Variants in SLC7A6 observed in about 807,000 individuals in gnomAD.
SLC7A6 encodes the protein Y+L amino acid transporter 2.
In SLC7A6, 29 loss-of-function variants were observed where a neutral mutation model predicts 46.6. That is an observed-to-expected ratio of 0.62 (90% CI 0.46 to 0.85). The LOEUF (loss-of-function observed/expected upper bound fraction) is 0.85. Ranked by LOEUF, SLC7A6 falls within the 40% of genes least tolerant of loss-of-function variation. SLC7A6 has a pLI of 0.00. For missense variants in SLC7A6, 527 were observed against 647.6 expected (o/e 0.81, Z 2.02); for synonymous variants, 276 against 257.3 (o/e 1.07, Z -0.70).
chr16:68,297,389 A>G lies in SLC7A6; in HGVS notation c.*61A>G. ...GCCAACCAGCAAAATCCTGATAACA[A>G]GACTCTGTGGGCCCAACTCTCCTGA... On this transcript the variant is annotated 3_prime_UTR_variant, in exon 11 of 11. Transcript: ENST00000219343. The G allele has an allele frequency of 7.1e-7, 1 of 1,409,836 alleles. No individual in the cohort carries two copies. The highest frequency in any genetic ancestry group is 1.8e-5 in the Admixed American group (1 of 56,808). The allele number at this position is 1,409,836 out of a possible 1,614,324, so 87.3% of individuals were successfully genotyped here.
chr16:68,301,158 T>C lies in SLC7A6; in HGVS notation c.*3830T>C, dbSNP rs535983037. The C allele has an allele frequency of 6.8e-5, 100 of 1,480,824 alleles. 1 individual carries two copies. Among genetic ancestry groups the C allele is most frequent in the Non-Finnish European group, 8.5e-5 (94 of 1,111,412 alleles). 91.7% of individuals were successfully genotyped at this position (1,480,824 alleles called of 1,614,324 possible). ...ATGGTGCCGCCCGATATGCTTGATA[T>C]GCTTTTCCTTCCACATGTTAAGCTA... On this transcript the variant is annotated 3_prime_UTR_variant, in exon 11 of 11. Coordinates refer to ENST00000219343, the MANE Select transcript of SLC7A6 (RefSeq NM_003983.6).
At position 68,298,636 on chromosome 16, in the gene SLC7A6, A is replaced by C. The variant is rs944999236; in HGVS notation, c.*1308A>C. ...GGGGACTTCTGTTTTCTCCCTGTGG[A>C]GATCAGTGAAGACTGGGAGGAAAGC... On this transcript the variant is annotated 3_prime_UTR_variant, in exon 11 of 11. Transcript: ENST00000219343. 6.6e-6 allele frequency: 1 copy of C among 152,236 alleles called. No individual in the cohort carries two copies. Among genetic ancestry groups the C allele is most frequent in the African/African-American group, 2.4e-5 (1 of 41,438 alleles). 9.4% of individuals were successfully genotyped at this position (152,236 alleles called of 1,614,324 possible).
Position 68,275,173 on chromosome 16 carries a change from C to A in SLC7A6, c.447C>A (p.Asn149Lys). 6.2e-7 allele frequency: 1 copy of A among 1,614,046 alleles called. No individual in the cohort carries two copies. The highest frequency in any genetic ancestry group is 8.5e-7 in the Non-Finnish European group (1 of 1,180,024). The change falls in exon 3 of 11, where the codon AAC becomes AAA. Residue 149 changes from asparagine (N) to lysine (K), a missense_variant. Coordinates refer to ENST00000219343, the MANE Select transcript of SLC7A6 (RefSeq NM_003983.6). ...GQAIIAITFA[N>K]YIIQPSFPSC... ...CCATCATCGCCATCACCTTTGCCAA[C>A]TACATCATCCAGCCGTCCTTCCCCA...
chr16:68,290,474 C>T lies in SLC7A6; in HGVS notation c.728C>T (p.Ala243Val). ...MGNLSLALYS[A>V]LFSYSGWDTL... ...AACCTCTCTCTTGCCCTCTACTCTG[C>T]CCTCTTCTCTTACTCAGGTTGGGAC... is the stretch of plus-strand genomic sequence containing the variant. The change falls in exon 5 of 11, where the codon GCC (alanine) becomes GTC (valine). Residue 243 changes from alanine to valine, a missense_variant. Ala to Val is a moderately conservative substitution (Grantham distance 64). Coordinates refer to ENST00000219343, the MANE Select transcript of SLC7A6 (RefSeq NM_003983.6). The T allele has an allele frequency of 6.2e-7, 1 of 1,614,184 alleles. No individual in the cohort carries two copies. The highest frequency in any genetic ancestry group is 1.1e-5 in the South Asian group (1 of 91,084).
At chr16:68,280,171 AG>A (rs1474088900) in intron 3 of SLC7A6, among the ~76,000 whole-genome samples, 1 of 152,228 alleles carries the variant, frequency 6.6e-6, no homozygotes, top group Non-Finnish European at 1.5e-5. Flanking sequence ...TAGGTTATTT[AG>A]GGGAAAGAAA....
Position 68,267,584 on chromosome 16 carries a change from G to A in SLC7A6, c.-37+863G>A, listed in dbSNP as rs56846227. 4.0e-4 allele frequency among the ~76,000 whole-genome samples: 61 copies of A among 152,306 alleles called. 1 individual carries two copies. The East Asian group carries it at 0.011, about 28-fold the overall frequency. On this transcript the variant is annotated intron_variant, in intron 2 of 10. Coordinates refer to ENST00000219343, the MANE Select transcript of SLC7A6 (RefSeq NM_003983.6). ...CATAGTTAAGATTTTGATTCAACCA[G>A]AGGGGGGAATAAAAAGATTTTGATG... is the stretch of plus-strand genomic sequence containing the variant.
At position 68,264,985 on chromosome 16, in the gene SLC7A6, G is replaced by C. The variant is rs1216069873; in HGVS notation, c.-166+409G>C. 6.6e-6 allele frequency among the ~76,000 whole-genome samples: 1 copy of C among 152,214 alleles called. No individual in the cohort carries two copies. The highest frequency in any genetic ancestry group is 2.4e-5 in the African/African-American group (1 of 41,466). ...CGCCGCGAGCGTGAGACTGTGCGAC[G>C]GTGACCCTGAGTGGGGCTGTGACTG... On this transcript the variant is annotated intron_variant, in intron 1 of 10. Coordinates refer to ENST00000219343, the MANE Select transcript of SLC7A6 (RefSeq NM_003983.6). This position sits in a 1 kb window ranked among gnomAD's most constrained non-coding sequence, Gnocchi z 5.8.
chr16:68,281,849 G>A lies in SLC7A6; in HGVS notation c.524-5897G>A, dbSNP rs139204834. ...TTATACACATCAATGGAAAGTATTTGCTTTGAAGATTTCAACATGGAAGTA... is the reference window on the plus strand; with the variant it reads ...TTATACACATCAATGGAAAGTATTTACTTTGAAGATTTCAACATGGAAGTA... On this transcript the variant is annotated intron_variant, in intron 3 of 10. Transcript: ENST00000219343. 8.8e-3 allele frequency among the ~76,000 whole-genome samples: 1,333 copies of A among 152,332 alleles called. 20 individuals carry two copies. Among genetic ancestry groups the A allele is most frequent in the African/African-American group, 0.03 (1,259 of 41,572 alleles).
rs1203102779 is a variant in SLC7A6, at chr16:68,297,924, C to T, written c.*596C>T. 6.6e-6 allele frequency: 1 copy of T among 152,636 alleles called. No individual in the cohort carries two copies. Among genetic ancestry groups the T allele is most frequent in the African/African-American group, 2.4e-5 (1 of 41,442 alleles). The allele number at this position is 152,636 out of a possible 1,614,324, so 9.5% of individuals were successfully genotyped here. On this transcript the variant is annotated 3_prime_UTR_variant, in exon 11 of 11. Transcript: ENST00000219343. ...CTGATTGTATTTAAAAATCAAAGTA[C>T]CCAAAACTGAGTCCCTTTGGGCTCA...
intron 5 of SLC7A6, 116 bp from the exon 6 acceptor site, chr16:68,291,093 A>G (rs1434349717): frequency 1.5e-6 from 2 of 1,366,352 alleles, no homozygotes; most frequent in Non-Finnish European, 2.1e-6. Context: ...GCCTCCCTCA[A>G]AGACTTGGAG....
chr16:68,287,953 C>A (rs2042972550), intron 4 of SLC7A6, 82 bp downstream of exon 4: 1 of 1,551,938 alleles, frequency 6.4e-7, no homozygotes, highest in South Asian at 1.2e-5. Flanking sequence ...AGCTTCACTG[C>A]TCGGCTGTTT....
chr16:68,290,259 T>G, intron 4 of SLC7A6, 137 bp from the exon 5 acceptor site: 26 of 852,398 alleles, frequency 3.1e-5, no homozygotes, highest in East Asian at 8.1e-5. Flanking sequence ...TTCCTCCCCA[T>G]TCCTCCTTTT....
At chr16:68,278,525 T>G (rs543929794) in intron 3 of SLC7A6, among the ~76,000 whole-genome samples, 1 of 150,772 alleles carries the variant, frequency 6.6e-6, no homozygotes, top group South Asian at 2.2e-4. Context: ...TTAACGAGCA[T>G]GCTGCCTTCA....
At position 68,292,193 on chromosome 16, in the gene SLC7A6, C is replaced by A. The variant is rs146249056; in HGVS notation, c.1022+532C>A. ...GTGTACCAGGTATTGGTGCTATGTA[C>A]AGAAAGACTTTCCCCCTCACTTCCC... On this transcript the variant is annotated intron_variant, in intron 7 of 10. Transcript: ENST00000219343. 561 of 153,688 alleles carry A rather than the reference C, an allele frequency of 3.7e-3. 7 individuals are homozygous for A. The highest frequency in any genetic ancestry group is 3.4e-3 in the Middle Eastern group (1 of 294). The allele number at this position is 153,688 out of a possible 1,614,324, so 9.5% of individuals were successfully genotyped here. A position where few individuals can be genotyped will look rare whatever the true frequency, so the allele number is the denominator to read the frequency against.
chr16:68,300,972 A>T lies in SLC7A6; in HGVS notation c.*3644A>T. 1 of 1,032,844 alleles carries T rather than the reference A, an allele frequency of 9.7e-7. No individual in the cohort carries two copies. Among genetic ancestry groups the T allele is most frequent in the Non-Finnish European group, 1.2e-6 (1 of 861,186 alleles). 64.0% of individuals were successfully genotyped at this position (1,032,844 alleles called of 1,614,324 possible). ...GGTTTCAGCACAGAACCTGAATGCC[A>T]GGAAAAATTCCTGGGCCAAGAAGCT... On this transcript the variant is annotated 3_prime_UTR_variant, in exon 11 of 11. Coordinates refer to ENST00000219343, the MANE Select transcript of SLC7A6 (RefSeq NM_003983.6).
intron 6 of SLC7A6, 55 bp from the exon 7 acceptor site, chr16:68,291,503 A>G (rs922886282): frequency 7.5e-6 from 12 of 1,593,828 alleles, no homozygotes; most frequent in East Asian, 2.2e-5. Context: ...TCATAGATGC[A>G]GGAGGATTAT....
chr16:68,287,402 T>C (rs2042958188), intron 3 of SLC7A6: 5 of 1,306,866 alleles, frequency 3.8e-6, no homozygotes, highest in Middle Eastern at 2.1e-4. Flanking sequence ...GTGTCTCCTG[T>C]GGTTTGGAAC....
Position 68,301,010 on chromosome 16 carries a change from AC to A in SLC7A6, c.*3684del, listed in dbSNP as rs1159698149. 23 of 1,113,504 alleles carry A rather than the reference AC, an allele frequency of 2.1e-5. No individual in the cohort carries two copies. The highest frequency in any genetic ancestry group is 5.2e-5 in the East Asian group (1 of 19,288). The allele number at this position is 1,113,504 out of a possible 1,614,324, so 69.0% of individuals were successfully genotyped here. ...GGGCCAAGAAGCTAAAGCTAAAGAA[AC>A]CTTCCTTTTTTCAACGTTTTTTTTT... On this transcript the variant is annotated 3_prime_UTR_variant, in exon 11 of 11. Transcript: ENST00000219343.
rs1178336010 is a variant in SLC7A6, at chr16:68,301,286, C to A, written c.*3958C>A. ...ACATCACAAGACCATCAGTCTGAAT[C>A]CAGGTCGTGGGGGCTGTCATAGCCG... On this transcript the variant is annotated 3_prime_UTR_variant, in exon 11 of 11. Coordinates refer to ENST00000219343, the MANE Select transcript of SLC7A6 (RefSeq NM_003983.6). 10 of 1,613,894 alleles carry A rather than the reference C, an allele frequency of 6.2e-6. No homozygotes were observed. In the African/African-American group the frequency reaches 1.3e-4, roughly 22 times the overall value.
Sources: allele counts gnomAD v4.1 joint callset (sites outside exome capture counted in the v4.1 genomes callset), GRCh38; gene constraint gnomAD v4.1.1; non-coding constraint Gnocchi (gnomAD v3.1); transcripts MANE v1.5; gene names NCBI Gene and HGNC (gene_info 2026-07-23, HGNC 2026-07-21).